The following TASP1 variants were observed in gnomAD, a reference collection of about 807,000 sequenced individuals.
TASP1 encodes the protein taspase 1.
Under a neutral mutation model 56.6 loss-of-function variants are expected in TASP1, and 16 were observed. That is an observed-to-expected ratio of 0.28 (90% CI 0.19 to 0.43). TASP1 has a LOEUF of 0.43. Ranked by LOEUF, TASP1 falls within the 20% of genes least tolerant of loss-of-function variation. The probability of loss-of-function intolerance (pLI) is 1.00; values close to 1 mark genes in which losing one functional copy is unlikely to be tolerated. For synonymous variants in TASP1, 179 were observed against 184.2 expected (o/e 0.97, Z 0.23); for missense variants, 393 against 511.6 (o/e 0.77, Z 2.24).
intron 7 of TASP1, among the ~76,000 whole-genome samples, chr20:13,562,723 A>T (rs933133382): frequency 6.6e-6 from 1 of 151,670 alleles, no homozygotes; most frequent in African/African-American, 2.4e-5. Flanking sequence ...TAAAAAATAC[A>T]AAAATTAGCC....
the TASP1 span, among the ~76,000 whole-genome samples, chr20:13,306,564 C>CAAAAAAAAAAAAAAAAAAAAAAAAAGA: frequency 6.3e-5 from 4 of 63,914 alleles, no homozygotes; most frequent in East Asian, 5.3e-4. Context: ...GGAGAAAGGA[C>CAAAAAAAAAAAAAAAAAAAAAAAAAGA]AAAAAAAAAA....
At chr20:13,396,773 A>C (rs2041556035) in intron 13 of TASP1, among the ~76,000 whole-genome samples, 1 of 152,224 alleles carries the variant, frequency 6.6e-6, no homozygotes, top group Admixed American at 6.5e-5. Flanking sequence ...CTCATACCTC[A>C]TTCTCCACGT....
chr20:13,428,573 G>A (rs904298598), intron 12 of TASP1, among the ~76,000 whole-genome samples: 4 of 152,194 alleles, frequency 2.6e-5, no homozygotes, highest in African/African-American at 9.7e-5. Context: ...CCAGGGACAA[G>A]CATTTGCTTT....
At chr20:13,240,042 G>A in the TASP1 span, among the ~76,000 whole-genome samples, 1 of 152,188 alleles carries the variant, frequency 6.6e-6, no homozygotes, top group Non-Finnish European at 1.5e-5. Flanking sequence ...GACATGAATT[G>A]TCTCTTTTAT....
the TASP1 span, among the ~76,000 whole-genome samples, chr20:13,254,189 C>T: frequency 2.0e-5 from 3 of 151,714 alleles, no homozygotes; most frequent in Non-Finnish European, 4.4e-5. Context: ...GCCAAGATCA[C>T]GTCACTGCAC....
chr20:13,231,325 C>T, the TASP1 span, among the ~76,000 whole-genome samples: 17 of 152,292 alleles, frequency 1.1e-4, no homozygotes, highest in South Asian at 2.1e-4. Context: ...CATGCCCTCC[C>T]GGAGCAGTCA....
chr20:13,264,156 G>T, the TASP1 span, among the ~76,000 whole-genome samples: 1 of 152,186 alleles, frequency 6.6e-6, no homozygotes, highest in Non-Finnish European at 1.5e-5. Context: ...GAGGGAGTTT[G>T]GAGACTGAAG....
downstream of TASP1, among the ~76,000 whole-genome samples, chr20:13,388,306 A>G (rs2041178893): frequency 6.6e-6 from 1 of 152,144 alleles, no homozygotes; most frequent in African/African-American, 2.4e-5. Flanking sequence ...ATCCGATCTG[A>G]TAAGGAAGGA....
At chr20:13,381,665 T>C in the TASP1 span, among the ~76,000 whole-genome samples, 3 of 152,232 alleles carry the variant, frequency 2.0e-5, no homozygotes, top group Non-Finnish European at 4.4e-5. Context: ...AGCACCCTTA[T>C]GCTTGCACTT....
At chr20:13,508,095 A>G (rs940208016) in intron 10 of TASP1, among the ~76,000 whole-genome samples, 4 of 152,146 alleles carry the variant, frequency 2.6e-5, no homozygotes, top group African/African-American at 7.2e-5. Flanking sequence ...AGATTTAAAC[A>G]TAATACCTAG....
intron 8 of TASP1, among the ~76,000 whole-genome samples, chr20:13,550,147 TACACACACACAC>T (rs149572327): frequency 1.1e-4 from 15 of 135,398 alleles, no homozygotes; most frequent in East Asian, 2.2e-4. Context: ...TATATACACA[TACACACACACAC>T]ACACACACAC....
the TASP1 span, among the ~76,000 whole-genome samples, chr20:13,268,428 C>T: frequency 2.2e-5 from 3 of 136,210 alleles, no homozygotes; most frequent in African/African-American, 8.2e-5. Context: ...AACAATAATA[C>T]ATTTGGCCTC....
chr20:13,428,635 G>A (rs776111797), intron 12 of TASP1, among the ~76,000 whole-genome samples: 2 of 152,130 alleles, frequency 1.3e-5, no homozygotes, highest in Admixed American at 1.3e-4. Context: ...TCATGATCTG[G>A]GGGTAGGAGG....
chr20:13,632,103 G>A (rs992013360), intron 1 of TASP1, among the ~76,000 whole-genome samples: 2 of 148,050 alleles, frequency 1.4e-5, no homozygotes, highest in African/African-American at 5.0e-5. Flanking sequence ...AGTGACTCAC[G>A]CCTGTAATCC....
intron 13 of TASP1, chr20:13,393,582 C>T: frequency 1.1e-6 from 1 of 932,908 alleles, no homozygotes; most frequent in Non-Finnish European, 1.7e-6. Flanking sequence ...CCTCAACAAC[C>T]ACCTTGTCAA....
At chr20:13,228,607 C>G in the TASP1 span, among the ~76,000 whole-genome samples, 1 of 151,566 alleles carries the variant, frequency 6.6e-6, no homozygotes, top group South Asian at 2.1e-4. Context: ...GAAATTTTAC[C>G]AGGTTGTGTT....
chr20:13,256,597 C>G, the TASP1 span, among the ~76,000 whole-genome samples: 1 of 152,124 alleles, frequency 6.6e-6, no homozygotes, highest in African/African-American at 2.4e-5. Flanking sequence ...ACACTGACCA[C>G]GTCTTCCATC....
the TASP1 span, among the ~76,000 whole-genome samples, chr20:13,373,360 A>G: frequency 0.018 from 2,705 of 151,986 alleles, 74 homozygotes; most frequent in African/African-American, 0.06. Flanking sequence ...TTTTTTCTCT[A>G]TGGACTCAAT....
chr20:13,469,326 T>C (rs1157762674), intron 11 of TASP1, among the ~76,000 whole-genome samples: 1 of 152,090 alleles, frequency 6.6e-6, no homozygotes, highest in African/African-American at 2.4e-5. Flanking sequence ...ATGTACAAAA[T>C]GTATGAAACT....
Sources: allele counts gnomAD v4.1 joint callset (sites outside exome capture counted in the v4.1 genomes callset), GRCh38; gene constraint gnomAD v4.1.1; transcripts MANE v1.5; gene names NCBI Gene and HGNC (gene_info 2026-07-23, HGNC 2026-07-21).